Variants in ATR observed in about 807,000 individuals in gnomAD.
The protein encoded by ATR is serine/threonine-protein kinase ATR.
ATR carries 142 observed loss-of-function variants against 305.3 expected under a neutral mutation model. The observed-to-expected ratio is 0.47, with a 90% confidence interval of 0.41 to 0.53. ATR has a LOEUF of 0.53. Among genes scored for constraint, ATR ranks in the 20% least tolerant of loss-of-function variants. The pLI is 0.00. For missense variants in ATR, 2,135 were observed against 3,133.1 expected, an observed-to-expected ratio of 0.68 and a Z score of 7.60; for synonymous variants, 1,050 against 1,068.1, an observed-to-expected ratio of 0.98 and a Z score of 0.33.
rs1193717799 is a variant in ATR, at chr3:142,513,597, G to A, written c.4545C>T (p.Ser1515=). 6.2e-7 allele frequency: 1 copy of A among 1,613,388 alleles called. No homozygotes were observed. The highest frequency in any genetic ancestry group is 1.3e-5 in the African/African-American group (1 of 74,902). The change falls in exon 26 of 47, where the codon AGC becomes AGT. Residue 1515 remains serine, a synonymous_variant. Transcript: ENST00000350721. ...DLASKIFTCC[S]IMMKHDFKVT... ...CTTTGAAATCATGCTTCATCATAAT[G>A]CTACAGCAGGTGAAAATTTTACTGG...
At chr3:142,493,688 C>A (rs975058321) in intron 34 of ATR, among the ~76,000 whole-genome samples, 3 of 152,038 alleles carry the variant, frequency 2.0e-5, no homozygotes, top group African/African-American at 7.2e-5. Flanking sequence ...GGCAACATAG[C>A]AAGATCCTGT....
intron 7 of ATR, 97 bp from the exon 8 acceptor site, chr3:142,558,873 C>A: frequency 8.0e-7 from 1 of 1,252,854 alleles, no homozygotes; most frequent in Non-Finnish European, 1.1e-6. Flanking sequence ...TCATAATGAT[C>A]ATTGGATAAG....
intron 21 of ATR, among the ~76,000 whole-genome samples, chr3:142,527,288 CACT>C (rs2033435496): frequency 6.6e-6 from 1 of 151,846 alleles, no homozygotes; most frequent in African/African-American, 2.4e-5. Context: ...ATTTAAACAC[CACT>C]GAGACTATTT....
rs542226636 is a variant in ATR at position 142,538,806 on chromosome 3, G to A, written c.3582-181C>T. ...TAAAGTGATGTCCAAATTATGTGAAGTCAAAAAAGCAAGGTGAAAAACAGT... is the reference window on the plus strand; with the variant it reads ...TAAAGTGATGTCCAAATTATGTGAAATCAAAAAAGCAAGGTGAAAAACAGT... On this transcript the variant is annotated intron_variant, in intron 18 of 46. Transcript: ENST00000350721. Among the ~76,000 whole-genome samples the A allele has an allele frequency of 6.6e-5, 10 of 152,040 alleles. 1 individual carries two copies. Among genetic ancestry groups the A allele is most frequent in the African/African-American group, 2.4e-4 (10 of 41,506 alleles).
intron 21 of ATR, among the ~76,000 whole-genome samples, chr3:142,526,418 A>G (rs937188950): frequency 3.3e-5 from 5 of 151,880 alleles, no homozygotes; most frequent in African/African-American, 9.7e-5. Flanking sequence ...CTTAGCCAAT[A>G]CCTCCAAGTG....
intron 14 of ATR, 66 bp from the exon 15 acceptor site, chr3:142,549,739 C>T: frequency 6.9e-7 from 1 of 1,452,232 alleles, no homozygotes; most frequent in South Asian, 1.2e-5. Context: ...TTCACATAAG[C>T]TATGTGCAAA....
intron 17 of ATR, among the ~76,000 whole-genome samples, chr3:142,541,437 G>T (rs766162750): frequency 5.9e-5 from 9 of 152,080 alleles, no homozygotes; most frequent in Non-Finnish European, 1.3e-4. Flanking sequence ...AACAATTTTT[G>T]TAGTAAATGG....
intron 21 of ATR, among the ~76,000 whole-genome samples, chr3:142,533,243 T>C (rs537910714): frequency 6.6e-6 from 1 of 152,262 alleles, no homozygotes; most frequent in Non-Finnish European, 1.5e-5. Context: ...TGCAGGGAGC[T>C]ATCATCACAC....
At chr3:142,486,439 G>C (rs1050044468) in intron 35 of ATR, among the ~76,000 whole-genome samples, 3 of 151,940 alleles carry the variant, frequency 2.0e-5, no homozygotes, top group African/African-American at 7.3e-5. Context: ...TTTCCTGCCT[G>C]TCTTCCTGCC....
chr3:142,503,396 C>T lies in ATR; in HGVS notation c.5254G>A (p.Val1752Ile). 1 of 1,608,636 alleles carries T rather than the reference C, an allele frequency of 6.2e-7. No individual in the cohort carries two copies. Among genetic ancestry groups the T allele is most frequent in the South Asian group, 1.1e-5 (1 of 90,856 alleles). ...SMLGLGQLST[V>I]ITQVNGVHAN... ...TGCACTCCATTCACCTGAGTGATAACAGTAGACAGCTGACCAAGACCTAAC... is the reference window on the plus strand; with the variant it reads ...TGCACTCCATTCACCTGAGTGATAATAGTAGACAGCTGACCAAGACCTAAC... The change falls in exon 30 of 47, where the codon GTT becomes ATT. Residue 1752 changes from valine (V) to isoleucine (I), a missense_variant. This residue lies in a region of ATR where 117 missense variants were observed against 198.3 expected (regional missense o/e 0.59). Transcript: ENST00000350721.
intron 21 of ATR, among the ~76,000 whole-genome samples, chr3:142,531,260 T>C (rs1019236986): frequency 5.4e-5 from 8 of 149,098 alleles, no homozygotes; most frequent in Non-Finnish European, 1.1e-4. Flanking sequence ...TTTTATTTTA[T>C]TTTTATTATT....
chr3:142,456,193 C>T lies in ATR; in HGVS notation c.7655+1411G>A, dbSNP rs141798607. ...AGGGAAATCACTTGAACCCACGAAG[C>T]GGAGGTTGCAGTGAGTGGAGATCAC... On this transcript the variant is annotated intron_variant, in intron 45 of 46. Transcript: ENST00000350721. 3.9e-5 allele frequency among the ~76,000 whole-genome samples: 6 copies of T among 152,054 alleles called. No individual in the cohort carries two copies. In the East Asian group the frequency reaches 5.8e-4, roughly 15 times the overall value.
At position 142,550,224 on chromosome 3, in the gene ATR, G is replaced by C. The variant is rs1273916434; in HGVS notation, c.2884C>G (p.Gln962Glu). ...ATTTCTCTCTGGTGAGCCACATCTT[G>C]TTTTCGCACGTCAGCATTCTGGCAT... Reference protein sequence around the residue: ...TPCQNADVRKQDVAHQREMAL... With the variant: ...TPCQNADVRKEDVAHQREMAL... Residue 962 changes from glutamine to glutamate, a missense_variant, in exon 14 of 47, where the codon CAA (glutamine) becomes GAA (glutamate). Transcript: ENST00000350721. 6.2e-7 allele frequency: 1 copy of C among 1,614,020 alleles called. No homozygotes were observed. Among genetic ancestry groups the C allele is most frequent in the African/African-American group, 1.3e-5 (1 of 74,930 alleles).
intron 16 of ATR, among the ~76,000 whole-genome samples, chr3:142,546,200 T>C (rs563259900): frequency 3.9e-5 from 6 of 152,312 alleles, no homozygotes; most frequent in Admixed American, 3.3e-4. Flanking sequence ...TTTGAGGTAG[T>C]TCTGGCAGTG....
intron 36 of ATR, among the ~76,000 whole-genome samples, chr3:142,472,844 TG>T (rs2071323708): frequency 6.6e-6 from 1 of 152,144 alleles, no homozygotes; most frequent in Non-Finnish European, 1.5e-5. Flanking sequence ...TTCACCATGT[TG>T]CCCAGGCTGG....
Position 142,553,380 on chromosome 3 carries a change from C to T in ATR, c.2652G>A (p.Leu884=), listed in dbSNP as rs1442514498. Residue 884 remains leucine (L), a synonymous_variant, in exon 13 of 47, where the codon TTG becomes TTA. Coordinates refer to ENST00000350721, the MANE Select transcript of ATR (RefSeq NM_001184.4). The part of the protein sequence containing the change: ...GDIGRAAKGD[L]VPFALLHLLH... ...ATAAGTGTAAGAGTGCAAATGGTACCAAATCTCCTTTTGCGGCCCTAAAAT... is the reference window on the plus strand; with the variant it reads ...ATAAGTGTAAGAGTGCAAATGGTACTAAATCTCCTTTTGCGGCCCTAAAAT... 1 of 1,613,456 alleles carries T rather than the reference C, an allele frequency of 6.2e-7. No individual in the cohort carries two copies. The highest frequency in any genetic ancestry group is 8.5e-7 in the Non-Finnish European group (1 of 1,179,814).
At chr3:142,567,992 T>C in intron 2 of ATR, 71 bp downstream of exon 2, 2 of 1,218,864 alleles carry the variant, frequency 1.6e-6, no homozygotes, top group Non-Finnish European at 1.2e-6. Context: ...GAGAAAATGC[T>C]ACTATAATTT....
chr3:142,485,051 T>G, intron 36 of ATR, 89 bp downstream of exon 36: 1 of 1,562,708 alleles, frequency 6.4e-7, no homozygotes, highest in South Asian at 1.1e-5. Context: ...AGAAAATACC[T>G]AGAATATGCT....
chr3:142,479,437 G>A (rs1216305272), intron 36 of ATR, among the ~76,000 whole-genome samples: 1 of 152,154 alleles, frequency 6.6e-6, no homozygotes, highest in Non-Finnish European at 1.5e-5. Context: ...CTGGCTTGTA[G>A]AATTTCTGCC....
Sources: gnomAD v4.1 joint callset for allele counts (sites outside exome capture counted in the v4.1 genomes callset) on GRCh38, gnomAD v4.1.1 for gene constraint, gnomAD v4.1.1 regional missense constraint, MANE v1.5 for transcripts, NCBI Gene and HGNC (gene_info 2026-07-23, HGNC 2026-07-21) for gene names.